Variants in IL1RL2 observed in about 807,000 individuals in gnomAD.
IL1RL2 encodes the protein interleukin-1 receptor-like 2.
Under a neutral mutation model 66.8 loss-of-function variants are expected in IL1RL2, and 68 were observed. The observed-to-expected ratio is 1.02, with a 90% CI of 0.84 to 1.25. The LOEUF is 1.25. Ranked by LOEUF, IL1RL2 falls within the 50% of genes most tolerant of loss-of-function variation. The probability of loss-of-function intolerance (pLI) is 0.00; values close to 1 mark genes in which losing one functional copy is unlikely to be tolerated. For missense variants in IL1RL2, 729 were observed against 709.3 expected (o/e 1.03, Z -0.32); for synonymous variants, 305 against 264.6 (o/e 1.15, Z -1.48).
intron 5 of IL1RL2, among the ~76,000 whole-genome samples, chr2:102,204,791 T>G (rs1688564398): frequency 6.6e-6 from 1 of 152,062 alleles, no homozygotes; most frequent in East Asian, 1.9e-4. Context: ...TGGGTCTTGT[T>G]TTTTCATTCA....
chr2:102,196,787 T>C (rs1687823405), intron 4 of IL1RL2, among the ~76,000 whole-genome samples: 1 of 152,072 alleles, frequency 6.6e-6, no homozygotes, highest in Admixed American at 6.6e-5. Flanking sequence ...AGAATGGTGT[T>C]TGGGGGCCTT....
intron 5 of IL1RL2, among the ~76,000 whole-genome samples, chr2:102,205,555 A>T (rs1158865648): frequency 2.6e-5 from 4 of 152,102 alleles, no homozygotes; most frequent in Non-Finnish European, 5.9e-5. Flanking sequence ...AAAATGTGTC[A>T]TGCCACTCCT....
intron 5 of IL1RL2, 115 bp downstream of exon 5, chr2:102,201,830 G>A (rs1688286811): frequency 1.0e-6 from 1 of 979,188 alleles, no homozygotes; most frequent in Admixed American, 2.3e-5. Flanking sequence ...TGGTTTCCCT[G>A]AAGGCTAGTA....
intron 4 of IL1RL2, among the ~76,000 whole-genome samples, chr2:102,195,037 G>T (rs1687547749): frequency 6.6e-6 from 1 of 152,172 alleles, no homozygotes; most frequent in African/African-American, 2.4e-5. Context: ...AAATGAAGGA[G>T]TGTGGTTGTG....
In IL1RL2 at chr2:102,199,212, G is replaced by C. The variant is rs143967522; in HGVS notation, c.490-2344G>C. On this transcript the variant is annotated intron_variant, in intron 4 of 11. Transcript: ENST00000264257. ...CAGTTTATGGAAATAAAATCTAAAT[G>C]GTCTTTAGCATTGCACTATTTTAAT... 3.2e-3 allele frequency among the ~76,000 whole-genome samples: 485 copies of C among 152,268 alleles called. 2 individuals carry two copies. Among genetic ancestry groups the C allele is most frequent in the Non-Finnish European group, 5.7e-3 (386 of 68,036 alleles).
intron 6 of IL1RL2, among the ~76,000 whole-genome samples, chr2:102,218,321 C>T (rs961611803): frequency 2.0e-5 from 3 of 152,016 alleles, no homozygotes; most frequent in Non-Finnish European, 2.9e-5. Context: ...AAAGAACACT[C>T]CTTGAATGTT....
intron 9 of IL1RL2, among the ~76,000 whole-genome samples, chr2:102,231,482 G>A (rs1421633905): frequency 6.6e-6 from 1 of 151,684 alleles, no homozygotes; most frequent in Non-Finnish European, 1.5e-5. Flanking sequence ...TGAGAGACAT[G>A]AGTGAGACTC....
Position 102,234,931 on chromosome 2 carries a change from G to A in IL1RL2, c.1332G>A (p.Leu444=), listed in dbSNP as rs747541573. Residue 444 remains leucine, a synonymous_variant, in exon 11 of 12, where the codon CTG becomes CTA. Transcript: ENST00000264257. ...ATGTCATCGATGAAAACGTTAAGCT[G>A]TGCAGGAGGCTGATTGTCATTGTGG... ...VANVIDENVK[L]CRRLIVIVVP... The A allele has an allele frequency of 1.2e-6, 2 of 1,614,150 alleles. No individual in the cohort carries two copies. The highest frequency in any genetic ancestry group is 1.7e-6 in the Non-Finnish European group (2 of 1,180,026).
At chr2:102,188,060 G>T (rs536082078) in intron 2 of IL1RL2, 135 bp downstream of exon 2, 13 of 800,650 alleles carry the variant, frequency 1.6e-5, no homozygotes, top group Admixed American at 4.0e-5. Context: ...GCGGAGTTCC[G>T]CGGAAGAGGA....
intron 3 of IL1RL2, among the ~76,000 whole-genome samples, chr2:102,191,278 T>C (rs1215174319): frequency 6.6e-6 from 1 of 152,208 alleles, no homozygotes; most frequent in Non-Finnish European, 1.5e-5. Flanking sequence ...CCTTTCAATG[T>C]ATATTTATTT....
At chr2:102,233,289 A>T (rs751307073) in intron 10 of IL1RL2, among the ~76,000 whole-genome samples, 165 bp downstream of exon 10, 1 of 151,726 alleles carries the variant, frequency 6.6e-6, no homozygotes, top group Non-Finnish European at 1.5e-5. Context: ...CCAGCCAAGG[A>T]GGTTAGGCCC....
chr2:102,188,053 G>A (rs1686854509), intron 2 of IL1RL2, 128 bp downstream of exon 2: 2 of 835,394 alleles, frequency 2.4e-6, no homozygotes, highest in South Asian at 2.8e-5. Flanking sequence ...CCGCCAGGCG[G>A]AGTTCCGCGG....
chr2:102,190,344 G>T (rs1361826716), intron 3 of IL1RL2, among the ~76,000 whole-genome samples: 1 of 152,202 alleles, frequency 6.6e-6, no homozygotes, highest in Admixed American at 6.5e-5. Context: ...ACACTGGCTT[G>T]CATGACCTTA....
At chr2:102,234,291 G>A (rs1411960284) in intron 10 of IL1RL2, among the ~76,000 whole-genome samples, 1 of 152,118 alleles carries the variant, frequency 6.6e-6, no homozygotes, top group Non-Finnish European at 1.5e-5. Context: ...AGCTAGTCTG[G>A]GGATACAGAG....
rs1675169714 is a variant in IL1RL2, at chr2:102,239,780, G to A, written c.*539G>A. The A allele has an allele frequency of 6.5e-6, 1 of 153,636 alleles. No homozygotes were observed. The highest frequency in any genetic ancestry group is 6.1e-5 in the Admixed American group (1 of 16,292). 9.5% of individuals were successfully genotyped at this position (153,636 alleles called of 1,614,324 possible). ...ATGTCATGGTGGGTGAGATCTTGGG[G>A]GATCACCTGTCATGGTGGGTGAGAG... is the stretch of plus-strand genomic sequence containing the variant. On this transcript the variant is annotated 3_prime_UTR_variant, in exon 12 of 12. Transcript: ENST00000264257.
At position 102,189,047 on chromosome 2, in the gene IL1RL2, A is replaced by G; in HGVS notation, c.59-29A>G. The G allele has an allele frequency of 3.3e-6, 5 of 1,533,952 alleles. No individual in the cohort carries two copies. In the South Asian group the frequency reaches 3.5e-5, roughly 11 times the overall value. ...AAACTGAAGTTTTCTTTCATGGATA[A>G]TTGTTTTGTTTTGTTTTTCTTTCCC... On this transcript the variant is annotated intron_variant, in intron 2 of 11. Coordinates refer to ENST00000264257, the MANE Select transcript of IL1RL2 (RefSeq NM_003854.4).
chr2:102,217,489 C>G (rs1689713017), intron 6 of IL1RL2, among the ~76,000 whole-genome samples: 1 of 151,856 alleles, frequency 6.6e-6, no homozygotes, highest in African/African-American at 2.4e-5. Flanking sequence ...GGCCCAAAAC[C>G]AAAAACAAAG....
At chr2:102,210,726 GAA>G (rs1351000752) in intron 5 of IL1RL2, among the ~76,000 whole-genome samples, 7 of 152,172 alleles carry the variant, frequency 4.6e-5, no homozygotes, top group Non-Finnish European at 8.8e-5. Flanking sequence ...GGCTCTGGAG[GAA>G]AACCAGATTT....
chr2:102,212,215 G>A, intron 6 of IL1RL2, 41 bp downstream of exon 6: 1 of 1,359,362 alleles, frequency 7.4e-7, no homozygotes. Flanking sequence ...ACCAGGGGAA[G>A]AGCTCATTAT....
Sources: gnomAD v4.1 joint callset for allele counts (sites outside exome capture counted in the v4.1 genomes callset) on GRCh38, gnomAD v4.1.1 for gene constraint, MANE v1.5 for transcripts, NCBI Gene and HGNC (gene_info 2026-07-23, HGNC 2026-07-21) for gene names.